SH3BGRL2: variants seen among roughly 807,000 people sequenced by gnomAD.
SH3BGRL2 encodes SH3 domain binding glutamate rich protein like 2, also known as SH3 domain-binding glutamic acid-rich-like protein 2.
SH3BGRL2 carries 21 observed loss-of-function variants against 14.8 expected under a neutral mutation model. The ratio of observed to expected loss-of-function variants is 1.42; its 90% confidence interval spans 1.01 to 2.05. The LOEUF (loss-of-function observed/expected upper bound fraction) is 2.05, where lower values mean the gene tolerates loss of function less well. Among genes scored for constraint, SH3BGRL2 ranks in the 30% most tolerant of loss-of-function variants. The probability of loss-of-function intolerance (pLI) is 0.00; values close to 1 mark genes in which losing one functional copy is unlikely to be tolerated. For synonymous variants in SH3BGRL2, 50 were observed against 47.8 expected (o/e 1.05, Z -0.19); for missense variants, 147 against 130.8 (o/e 1.12, Z -0.61).
intron 1 of SH3BGRL2, among the ~76,000 whole-genome samples, chr6:79,666,830 T>C (rs1769670078): frequency 6.6e-6 from 1 of 152,226 alleles, no homozygotes; most frequent in Non-Finnish European, 1.5e-5. Flanking sequence ...TAAAGAAAGC[T>C]GTGTGTTTGA....
the SH3BGRL2 span, among the ~76,000 whole-genome samples, chr6:79,543,812 TA>T: frequency 6.6e-6 from 1 of 152,212 alleles, no homozygotes; most frequent in Non-Finnish European, 1.5e-5. Context: ...CAGTTATTTA[TA>T]AATATAAGAG....
chr6:79,550,545 C>T, the SH3BGRL2 span, among the ~76,000 whole-genome samples: 21 of 152,126 alleles, frequency 1.4e-4, no homozygotes, highest in East Asian at 3.8e-3. Flanking sequence ...AAGATCACTG[C>T]TTCCTGGTTT....
chr6:79,556,734 T>C, the SH3BGRL2 span, among the ~76,000 whole-genome samples: 1 of 152,024 alleles, frequency 6.6e-6, no homozygotes, highest in Non-Finnish European at 1.5e-5. Flanking sequence ...AAAATGAAGA[T>C]ATCCTGAGTA....
At chr6:79,683,552 A>C (rs1432643054) in intron 2 of SH3BGRL2, among the ~76,000 whole-genome samples, 1 of 151,784 alleles carries the variant, frequency 6.6e-6, no homozygotes, top group African/African-American at 2.4e-5. Flanking sequence ...AGGTTCAAGC[A>C]ATTTTCCTGC....
chr6:79,694,065 G>A lies in SH3BGRL2; in HGVS notation c.232-2420G>A, dbSNP rs193172571. Among the ~76,000 whole-genome samples, 9 of 152,298 alleles carry A rather than the reference G, an allele frequency of 5.9e-5. No individual in the cohort carries two copies. The East Asian group carries it at 1.5e-3, about 26-fold the overall frequency. ...TCATGAATTGTCGTTAAGACCTGTT[G>A]TGTTTAAGAGTCTGTGAACAGTTAG... On this transcript the variant is annotated intron_variant, in intron 2 of 3. Coordinates refer to ENST00000369838, the MANE Select transcript of SH3BGRL2 (RefSeq NM_031469.4).
rs1311073151 is a variant in SH3BGRL2, at chr6:79,677,199, G to A, written c.231+3400G>A. Among the ~76,000 whole-genome samples, 3 of 152,252 alleles carry A rather than the reference G, an allele frequency of 2.0e-5. No individual in the cohort carries two copies. The East Asian group carries it at 5.8e-4, about 29-fold the overall frequency. On this transcript the variant is annotated intron_variant, in intron 2 of 3. Transcript: ENST00000369838. ...AGTTTCTGACTGGTGTCATCTGGTT[G>A]GTTAACCTGTAGAAACCTACCACAT...
At chr6:79,596,678 G>T in the SH3BGRL2 span, among the ~76,000 whole-genome samples, 1 of 152,188 alleles carries the variant, frequency 6.6e-6, no homozygotes, top group South Asian at 2.1e-4. Flanking sequence ...ACTTAATATT[G>T]TAAAGGTGGC....
chr6:79,647,540 C>A (rs1007262368), intron 1 of SH3BGRL2, among the ~76,000 whole-genome samples: 1 of 151,980 alleles, frequency 6.6e-6, no homozygotes. Flanking sequence ...ATCCTTCCCC[C>A]CAAACAACTC....
chr6:79,641,968 T>A (rs1225717405), intron 1 of SH3BGRL2, among the ~76,000 whole-genome samples: 3 of 152,214 alleles, frequency 2.0e-5, no homozygotes, highest in East Asian at 1.9e-4. Flanking sequence ...TAGTTAGAGT[T>A]CTGCTGTAAT....
chr6:79,589,605 A>T, the SH3BGRL2 span, among the ~76,000 whole-genome samples: 1 of 152,248 alleles, frequency 6.6e-6, no homozygotes, highest in East Asian at 1.9e-4. Context: ...AGTTGAAGAG[A>T]TTGGGTCTTC....
At chr6:79,686,526 T>C (rs1360360636) in intron 2 of SH3BGRL2, among the ~76,000 whole-genome samples, 1 of 152,202 alleles carries the variant, frequency 6.6e-6, no homozygotes, top group Non-Finnish European at 1.5e-5. Context: ...GCTATCCTGC[T>C]TTTTATTCTT....
chr6:79,642,256 A>G (rs570968106), intron 1 of SH3BGRL2, among the ~76,000 whole-genome samples: 3 of 152,310 alleles, frequency 2.0e-5, no homozygotes, highest in Non-Finnish European at 2.9e-5. Context: ...AGCTATTTAC[A>G]TAGCATTTAC....
At chr6:79,631,210 C>T (rs1242804175), upstream of SH3BGRL2, 1 of 384,242 alleles carries the variant, frequency 2.6e-6, no homozygotes, top group Non-Finnish European at 4.6e-6. Flanking sequence ...CAGGGAGAGA[C>T]GGAAACTACA....
At chr6:79,542,112 T>G in the SH3BGRL2 span, among the ~76,000 whole-genome samples, 1 of 152,072 alleles carries the variant, frequency 6.6e-6, no homozygotes, top group Non-Finnish European at 1.5e-5. Context: ...CAGGCAACAG[T>G]CTATCCCTCT....
chr6:79,658,591 T>C, intron 1 of SH3BGRL2, among the ~76,000 whole-genome samples: 1 of 152,236 alleles, frequency 6.6e-6, no homozygotes, highest in African/African-American at 2.4e-5. Flanking sequence ...TGAATAGTGC[T>C]GGAATAAACA....
intron 1 of SH3BGRL2, among the ~76,000 whole-genome samples, chr6:79,659,093 G>A (rs534290201): frequency 2.6e-5 from 4 of 152,258 alleles, no homozygotes; most frequent in Admixed American, 1.3e-4. Flanking sequence ...TAAGTTTCCT[G>A]TTCACTCTGC....
intron 2 of SH3BGRL2, among the ~76,000 whole-genome samples, chr6:79,683,307 T>A (rs1286670849): frequency 6.6e-6 from 1 of 152,216 alleles, no homozygotes. Flanking sequence ...TGCTTCAAAA[T>A]CTGTCCTTCA....
the SH3BGRL2 span, among the ~76,000 whole-genome samples, chr6:79,621,413 T>C: frequency 1.3e-5 from 2 of 152,190 alleles, no homozygotes; most frequent in Non-Finnish European, 2.9e-5. Flanking sequence ...TTCTACCCTG[T>C]GAGGACACAG....
chr6:79,548,921 T>C, the SH3BGRL2 span, among the ~76,000 whole-genome samples: 1 of 152,160 alleles, frequency 6.6e-6, no homozygotes, highest in African/African-American at 2.4e-5. Flanking sequence ...AATATCAATA[T>C]GATCTTATGA....
Sources: gnomAD v4.1 joint callset for allele counts (sites outside exome capture counted in the v4.1 genomes callset) on GRCh38, gnomAD v4.1.1 for gene constraint, MANE v1.5 for transcripts, NCBI Gene and HGNC (gene_info 2026-07-23, HGNC 2026-07-21) for gene names.